Variants in MSI2 observed in about 807,000 individuals in gnomAD.
The protein encoded by MSI2 is musashi RNA binding protein 2.
Under a neutral mutation model 45.6 loss-of-function variants are expected in MSI2, and 17 were observed. The ratio of observed to expected loss-of-function variants is 0.37; its 90% CI spans 0.26 to 0.56. MSI2 has a LOEUF of 0.56. Among genes scored for constraint, MSI2 ranks in the 20% least tolerant of loss-of-function variants. The pLI is 0.77. For synonymous variants in MSI2, 156 were observed against 158.2 expected, an observed-to-expected ratio of 0.99 and a Z score of 0.11; for missense variants, 293 against 444.2, an observed-to-expected ratio of 0.66 and a Z score of 3.06.
chr17:57,408,419 T>C (rs12602360), intron 6 of MSI2, among the ~76,000 whole-genome samples: 69,175 of 152,142 alleles, frequency 0.45, 18,364 homozygotes, highest in East Asian at 0.81. Flanking sequence ...ATTTGCATAG[T>C]AGGTAGAGGA....
chr17:57,373,271 G>A (rs2083447618), intron 5 of MSI2, among the ~76,000 whole-genome samples: 1 of 151,968 alleles, frequency 6.6e-6, no homozygotes, highest in Non-Finnish European at 1.5e-5. Context: ...AAGATCCTGG[G>A]AGATCAAATT....
At chr17:57,317,596 C>T (rs1912960988) in intron 5 of MSI2, among the ~76,000 whole-genome samples, 1 of 144,726 alleles carries the variant, frequency 6.9e-6, no homozygotes, top group African/African-American at 2.6e-5. Flanking sequence ...CTGTAGCCTA[C>T]ACCTCCTGGG....
chr17:57,663,956 A>C (rs1004426322), intron 11 of MSI2, among the ~76,000 whole-genome samples: 2 of 151,716 alleles, frequency 1.3e-5, no homozygotes, highest in Admixed American at 6.6e-5. Context: ...TCTCCCTCCT[A>C]GGGGGAGAGG....
chr17:57,700,927 G>A, the MSI2 span, among the ~76,000 whole-genome samples: 2 of 151,802 alleles, frequency 1.3e-5, no homozygotes, highest in African/African-American at 4.8e-5. Flanking sequence ...ATTTAATAAT[G>A]TCAGCCTGCT....
chr17:57,647,956 G>GTTTT lies in MSI2; in HGVS notation c.728-4143_728-4142insTTTT, dbSNP rs1410694618. On this transcript the variant is annotated intron_variant, in intron 10 of 13. Transcript: ENST00000284073. ...TGCACCTGGCCAAAGAGTGTTTGTT[G>GTTTT]GTTTGTTTGTTTGTTTGTTTGTTTG... Among the ~76,000 whole-genome samples the GTTTT allele has an allele frequency of 5.2e-4, 76 of 146,060 alleles. No individual in the cohort carries two copies. In the East Asian group the frequency reaches 8.3e-3, roughly 16 times the overall value.
intron 7 of MSI2, among the ~76,000 whole-genome samples, chr17:57,542,785 G>A (rs1330434591): frequency 2.0e-5 from 3 of 152,216 alleles, no homozygotes; most frequent in African/African-American, 4.8e-5. Flanking sequence ...AGTCTGGCAC[G>A]TGTCCTGCTG....
intron 5 of MSI2, among the ~76,000 whole-genome samples, chr17:57,282,752 T>A (rs1325269954): frequency 6.6e-6 from 1 of 150,982 alleles, no homozygotes; most frequent in Non-Finnish European, 1.5e-5. Flanking sequence ...AATTGAGTCT[T>A]TTACCTCCGT....
intron 5 of MSI2, among the ~76,000 whole-genome samples, chr17:57,378,411 A>G (rs562406436): frequency 5.9e-4 from 89 of 151,944 alleles, no homozygotes; most frequent in Middle Eastern, 3.4e-3. Flanking sequence ...TTACAGGCGA[A>G]CGCCACCACA....
intron 6 of MSI2, among the ~76,000 whole-genome samples, chr17:57,500,375 C>T (rs1260601485): frequency 3.3e-5 from 5 of 151,392 alleles, no homozygotes; most frequent in Non-Finnish European, 7.4e-5. Flanking sequence ...CTCTCTTCGC[C>T]ACCATATGAA....
At chr17:57,475,542 A>T (rs2085520912) in intron 6 of MSI2, among the ~76,000 whole-genome samples, 1 of 151,794 alleles carries the variant, frequency 6.6e-6, no homozygotes, top group Non-Finnish European at 1.5e-5. Flanking sequence ...ACCTGAAGAC[A>T]TTTTTTTTCA....
chr17:57,420,093 C>T (rs1348592075), intron 6 of MSI2, among the ~76,000 whole-genome samples: 1 of 152,148 alleles, frequency 6.6e-6, no homozygotes, highest in African/African-American at 2.4e-5. Flanking sequence ...GGGACTGAAC[C>T]CATCTGCTGG....
intron 7 of MSI2, among the ~76,000 whole-genome samples, chr17:57,534,569 G>A (rs898107024): frequency 1.3e-5 from 2 of 151,530 alleles, no homozygotes; most frequent in Non-Finnish European, 2.9e-5. Context: ...AAAATTAGCC[G>A]GGTGTGGTGG....
rs369204805 is a variant in MSI2, at chr17:57,559,506, A to T, written c.454+29782A>T. On this transcript the variant is annotated intron_variant, in intron 7 of 13. Coordinates refer to ENST00000284073, the MANE Select transcript of MSI2 (RefSeq NM_138962.4). The stretch of plus-strand genomic sequence containing the variant: ...AAGATGACACATGGGTAGCAGAGTG[A>T]CTTTGGCTCCTGCATCGAGTGCTTG... Among the ~76,000 whole-genome samples, 87 of 152,280 alleles carry T rather than the reference A, an allele frequency of 5.7e-4. No homozygotes were observed. In the East Asian group the frequency reaches 9.1e-3, roughly 16 times the overall value.
intron 9 of MSI2, among the ~76,000 whole-genome samples, chr17:57,622,230 C>T (rs1473899660): frequency 4.3e-5 from 5 of 116,090 alleles, no homozygotes; most frequent in Admixed American, 3.4e-4. Context: ...GAAATGGTCT[C>T]GTGCAGCCCC....
chr17:57,387,766 G>A (rs948821236), intron 5 of MSI2, among the ~76,000 whole-genome samples: 21 of 152,192 alleles, frequency 1.4e-4, no homozygotes, highest in Admixed American at 3.9e-4. Flanking sequence ...AAAACAGGCA[G>A]GGAAGGTTTG....
At chr17:57,673,208 A>G (rs1013814995) in intron 11 of MSI2, among the ~76,000 whole-genome samples, 3 of 152,162 alleles carry the variant, frequency 2.0e-5, no homozygotes, top group South Asian at 2.1e-4. Context: ...TGCCTCATCA[A>G]TCTCTTCCCA....
chr17:57,599,613 A>G (rs931590836), intron 8 of MSI2, among the ~76,000 whole-genome samples: 4 of 152,182 alleles, frequency 2.6e-5, no homozygotes, highest in Non-Finnish European at 4.4e-5. Flanking sequence ...ATCTGGGGCT[A>G]GTACTTGTTC....
Position 57,472,185 on chromosome 17 carries a change from T to G in MSI2, c.406-57491T>G, listed in dbSNP as rs540484646. On this transcript the variant is annotated intron_variant, in intron 6 of 13. Coordinates refer to ENST00000284073, the MANE Select transcript of MSI2 (RefSeq NM_138962.4). ...TAATGGATGCCTATGAAAGACAAAT[T>G]AGGAGGGGATTATCATCTCACAAAA... is the stretch of plus-strand genomic sequence containing the variant. 7.2e-5 allele frequency among the ~76,000 whole-genome samples: 11 copies of G among 152,002 alleles called. 1 individual carries two copies. The highest frequency in any genetic ancestry group is 1.6e-4 in the Non-Finnish European group (11 of 67,986).
chr17:57,423,031 G>A (rs1039894630), intron 6 of MSI2, among the ~76,000 whole-genome samples: 1 of 152,080 alleles, frequency 6.6e-6, no homozygotes, highest in South Asian at 2.1e-4. Context: ...AACTAAAGGG[G>A]CCACCTCATC....
Sources: gnomAD v4.1 joint callset for allele counts (sites outside exome capture counted in the v4.1 genomes callset) on GRCh38, gnomAD v4.1.1 for gene constraint, MANE v1.5 for transcripts, NCBI Gene and HGNC (gene_info 2026-07-23, HGNC 2026-07-21) for gene names.